EDC3: variants seen among roughly 807,000 people sequenced by gnomAD.
EDC3 encodes enhancer of mRNA decapping 3, also known as enhancer of mRNA-decapping protein 3.
A neutral mutation model predicts 41.8 loss-of-function variants in EDC3; 20 were observed. That is an observed-to-expected ratio of 0.48 (90% confidence interval 0.34 to 0.70). The LOEUF is 0.70. Among genes scored for constraint, EDC3 ranks in the 30% least tolerant of loss-of-function variants. The pLI, the probability that EDC3 is intolerant of heterozygous loss-of-function variation, is 0.01. For synonymous variants in EDC3, 206 were observed against 243.2 expected (o/e 0.85, Z 1.42); for missense variants, 444 against 636.8 (o/e 0.70, Z 3.26).
chr15:74,636,494 A>G (rs1363253166), intron 5 of EDC3: 1 of 152,272 alleles, frequency 6.6e-6, no homozygotes, highest in African/African-American at 2.4e-5. Flanking sequence ...GACTCAGAGA[A>G]GCCACAAATA....
chr15:74,632,471 T>A lies in EDC3; in HGVS notation c.*141A>T. ...CTAAGAGCAAGTGACAGGTCAGTTT[T>A]AAGTAAGTTCTGTTCTCTCACAGAA... On this transcript the variant is annotated 3_prime_UTR_variant, in exon 7 of 7. Coordinates refer to ENST00000315127, the MANE Select transcript of EDC3 (RefSeq NM_025083.5). This position sits in a 1 kb window ranked among gnomAD's most constrained non-coding sequence, Gnocchi z 4.0. The A allele has an allele frequency of 9.6e-7, 1 of 1,037,874 alleles. No individual in the cohort carries two copies. Among genetic ancestry groups the A allele is most frequent in the South Asian group, 1.6e-5 (1 of 60,692 alleles). 64.3% of individuals were successfully genotyped at this position (1,037,874 alleles called of 1,614,324 possible). A position where few individuals can be genotyped will look rare whatever the true frequency, so the allele number is the denominator to read the frequency against.
intron 4 of EDC3, among the ~76,000 whole-genome samples, chr15:74,653,817 T>G (rs966520832): frequency 7.9e-5 from 12 of 152,144 alleles, no homozygotes; most frequent in Non-Finnish European, 2.9e-5. Context: ...AGAAAAAAAT[T>G]TCTACCTCTG....
At chr15:74,677,219 C>T (rs1567177510) in intron 1 of EDC3, among the ~76,000 whole-genome samples, 1 of 151,966 alleles carries the variant, frequency 6.6e-6, no homozygotes, top group Non-Finnish European at 1.5e-5. Flanking sequence ...TGCACCACCA[C>T]ACCTGGCTAA....
At chr15:74,656,799 A>G (rs1362852783) in intron 3 of EDC3, among the ~76,000 whole-genome samples, 3 of 152,148 alleles carry the variant, frequency 2.0e-5, no homozygotes, top group African/African-American at 7.2e-5. Context: ...CTGTGCCTAT[A>G]AAGACCCCAG....
chr15:74,648,477 G>A (rs190266611), intron 4 of EDC3, among the ~76,000 whole-genome samples: 2 of 152,312 alleles, frequency 1.3e-5, no homozygotes, highest in Non-Finnish European at 2.9e-5. Context: ...GCCGGCCAGC[G>A]TGAGAAGAGT....
chr15:74,655,051 G>A (rs1215663170), intron 4 of EDC3, among the ~76,000 whole-genome samples: 2 of 152,142 alleles, frequency 1.3e-5, no homozygotes, highest in East Asian at 3.8e-4. Context: ...GGGAAGGGAT[G>A]GGACACGGAT....
chr15:74,665,226 A>G (rs949520891), intron 3 of EDC3, among the ~76,000 whole-genome samples: 2 of 152,128 alleles, frequency 1.3e-5, no homozygotes, highest in African/African-American at 4.8e-5. Flanking sequence ...GGGTTTCGTC[A>G]TGTTGGCCAG....
At chr15:74,691,773 A>C (rs1043498253) in intron 1 of EDC3, among the ~76,000 whole-genome samples, 7 of 152,170 alleles carry the variant, frequency 4.6e-5, no homozygotes, top group African/African-American at 1.7e-4. Context: ...TTATTGGAAC[A>C]CAACTACACA....
chr15:74,684,298 G>C (rs2062910842), intron 1 of EDC3, among the ~76,000 whole-genome samples: 1 of 151,494 alleles, frequency 6.6e-6, no homozygotes, highest in South Asian at 2.1e-4. Context: ...AACTTCCTGA[G>C]TAGCTGGGAC....
intron 6 of EDC3, 156 bp downstream of exon 6, chr15:74,635,253 G>C: frequency 1.4e-6 from 1 of 730,554 alleles, no homozygotes. Flanking sequence ...AAGGGGATGG[G>C]AAGTAGTATA....
In EDC3 at chr15:74,635,406, C is replaced by T. The variant is rs776382747; in HGVS notation, c.1192+3G>A. On this transcript the variant is annotated splice_donor_region_variant and intron_variant, in intron 6 of 6. Transcript: ENST00000315127. ...TTCAGCCCAGCCCTGCCTAAGTGCT[C>T]ACCTTTGAGGCTAGACACTTGTTGG... 1 of 1,614,164 alleles carries T rather than the reference C, an allele frequency of 6.2e-7. No individual in the cohort carries two copies. Among genetic ancestry groups the T allele is most frequent in the South Asian group, 1.1e-5 (1 of 91,084 alleles).
intron 5 of EDC3, chr15:74,638,651 T>G (rs772157800): frequency 6.6e-6 from 1 of 152,068 alleles, no homozygotes; most frequent in Non-Finnish European, 1.5e-5. Flanking sequence ...CAGATCCTTA[T>G]AGCTAAGAGA....
chr15:74,655,850 C>A lies in EDC3; in HGVS notation c.703G>T (p.Gly235Cys), dbSNP rs971982773. The A allele has an allele frequency of 1.2e-6, 2 of 1,614,042 alleles. No homozygotes were observed. The highest frequency in any genetic ancestry group is 1.1e-5 in the South Asian group (1 of 91,066). The change falls in exon 4 of 7, where the codon GGC (glycine) becomes TGC (cysteine). Residue 235 changes from glycine (G) to cysteine (C), a missense_variant. Around this residue, in one of 3 missense-constraint regions of EDC3, gnomAD observed 242 missense variants for 363.8 expected, o/e 0.67. Transcript: ENST00000315127. Reference sequence around the variant, plus strand: ...CGAGTGGGCCTTTCATTTGGGATGCCCCGGGAACGGGTACCACTTCTCCTT... The same window carrying A: ...CGAGTGGGCCTTTCATTTGGGATGCACCGGGAACGGGTACCACTTCTCCTT... Reference protein sequence around the residue: ...YERRSGTRSRGIPNERPTRYR... With the variant: ...YERRSGTRSRCIPNERPTRYR...
intron 1 of EDC3, among the ~76,000 whole-genome samples, chr15:74,688,906 CAAAA>C (rs371363056): frequency 4.2e-5 from 3 of 72,140 alleles, no homozygotes; most frequent in Non-Finnish European, 2.9e-5. Flanking sequence ...GATGCTGTCT[CAAAA>C]AAAAAAAAAA....
intron 1 of EDC3, among the ~76,000 whole-genome samples, chr15:74,676,201 T>G (rs1375349957): frequency 6.6e-6 from 1 of 152,136 alleles, no homozygotes; most frequent in Admixed American, 6.6e-5. Context: ...TAGTTCTAAC[T>G]CAACGATAAT....
chr15:74,676,223 A>G (rs1374264737), intron 1 of EDC3, among the ~76,000 whole-genome samples: 1 of 152,188 alleles, frequency 6.6e-6, no homozygotes, highest in East Asian at 1.9e-4. Flanking sequence ...AAAACACAAC[A>G]TCAACTTTTG....
At chr15:74,678,273 G>C (rs2062828804) in intron 1 of EDC3, among the ~76,000 whole-genome samples, 1 of 152,148 alleles carries the variant, frequency 6.6e-6, no homozygotes, top group Non-Finnish European at 1.5e-5. Context: ...TTCATCAATT[G>C]TAACAAACAC....
At chr15:74,690,194 T>G (rs1314499810) in intron 1 of EDC3, among the ~76,000 whole-genome samples, 1 of 152,254 alleles carries the variant, frequency 6.6e-6, no homozygotes, top group East Asian at 1.9e-4. Flanking sequence ...TCTGTGTAGC[T>G]AGGAAGGGAG....
chr15:74,640,914 C>T, intron 4 of EDC3: 1 of 379,752 alleles, frequency 2.6e-6, no homozygotes, highest in African/African-American at 2.1e-5. Flanking sequence ...ATATTTAGTG[C>T]TATCGAGACC....
Sources: allele counts gnomAD v4.1 joint callset (sites outside exome capture counted in the v4.1 genomes callset), GRCh38; gene constraint gnomAD v4.1.1; regional missense constraint gnomAD v4.1.1; non-coding constraint Gnocchi (gnomAD v3.1); transcripts MANE v1.5; gene names NCBI Gene and HGNC (gene_info 2026-07-23, HGNC 2026-07-21).